PARVA: variants seen among roughly 807,000 people sequenced by gnomAD.
PARVA encodes the protein parvin alpha.
A neutral mutation model predicts 52.6 loss-of-function variants in PARVA; 25 were observed. That is an observed-to-expected ratio of 0.48 (90% CI 0.35 to 0.66). PARVA has a LOEUF of 0.66. Among genes scored for constraint, PARVA ranks in the 30% least tolerant of loss-of-function variants. PARVA has a pLI of 0.01. For synonymous variants in PARVA, 185 were observed against 179.1 expected, an observed-to-expected ratio of 1.03 and a Z score of -0.26; for missense variants, 373 against 450.9, an observed-to-expected ratio of 0.83 and a Z score of 1.56.
chr11:12,401,757 G>GA (rs1234263956), intron 1 of PARVA, among the ~76,000 whole-genome samples: 6 of 152,126 alleles, frequency 3.9e-5, no homozygotes, highest in African/African-American at 1.4e-4. Flanking sequence ...CGCAGGGCAT[G>GA]AAAAAATGTT....
intron 1 of PARVA, among the ~76,000 whole-genome samples, chr11:12,422,672 T>A (rs1383758836): frequency 6.6e-6 from 1 of 152,220 alleles, no homozygotes; most frequent in Non-Finnish European, 1.5e-5. Context: ...CTAGTGTCCT[T>A]CTCTTTCCTG....
intron 5 of PARVA, among the ~76,000 whole-genome samples, chr11:12,501,233 A>G (rs1941359702): frequency 6.6e-6 from 1 of 152,096 alleles, no homozygotes; most frequent in South Asian, 2.1e-4. Flanking sequence ...ACATATGTAT[A>G]TGCTTTTATG....
chr11:12,385,170 TA>T (rs1375033837), intron 1 of PARVA, among the ~76,000 whole-genome samples: 4 of 151,986 alleles, frequency 2.6e-5, no homozygotes, highest in African/African-American at 9.7e-5. Context: ...ACCCCATCTC[TA>T]CAAAAAAATT....
chr11:12,434,398 G>T (rs1182010415), intron 1 of PARVA, among the ~76,000 whole-genome samples: 1 of 152,158 alleles, frequency 6.6e-6, no homozygotes, highest in African/African-American at 2.4e-5. Flanking sequence ...GTACTTACCA[G>T]GGACTCTGGC....
intron 4 of PARVA, among the ~76,000 whole-genome samples, chr11:12,495,127 TAAG>T (rs1398488639): frequency 1.3e-5 from 2 of 152,334 alleles, no homozygotes; most frequent in South Asian, 2.1e-4. Flanking sequence ...CTTCAAGATG[TAAG>T]AAGAAGACAT....
At chr11:12,487,804 C>T (rs556256928) in intron 4 of PARVA, among the ~76,000 whole-genome samples, 3 of 152,194 alleles carry the variant, frequency 2.0e-5, no homozygotes, top group East Asian at 3.9e-4. Flanking sequence ...TGGTAGAGAA[C>T]GACTGTGTGT....
intron 1 of PARVA, among the ~76,000 whole-genome samples, chr11:12,379,708 G>A (rs997570437): frequency 5.9e-5 from 9 of 151,728 alleles, no homozygotes; most frequent in African/African-American, 2.2e-4. Context: ...TATCAGACTT[G>A]ATGAAGAACT....
At chr11:12,384,837 G>T (rs1258070987) in intron 1 of PARVA, among the ~76,000 whole-genome samples, 1 of 152,140 alleles carries the variant, frequency 6.6e-6, no homozygotes, top group African/African-American at 2.4e-5. Flanking sequence ...AAGAGGAAGG[G>T]CAGAGGCAGG....
chr11:12,412,736 T>C (rs568180741), intron 1 of PARVA, among the ~76,000 whole-genome samples: 2 of 152,170 alleles, frequency 1.3e-5, no homozygotes, highest in Non-Finnish European at 2.9e-5. Flanking sequence ...GAAAATAATA[T>C]TTGCAGGAAA....
chr11:12,533,808 C>A lies in PARVA; in HGVS notation c.*5883C>A, dbSNP rs368733084. Among the ~76,000 whole-genome samples the A allele has an allele frequency of 6.7e-6, 1 of 150,164 alleles. No individual in the cohort carries two copies. The highest frequency in any genetic ancestry group is 2.5e-5 in the African/African-American group (1 of 40,576). ...CCTCATGGTCATCACATTGAGTAGG[C>A]GGAGGAGGAGGAGGAGGAGGAGGAG... On this transcript the variant is annotated 3_prime_UTR_variant, in exon 13 of 13. Transcript: ENST00000334956.
At chr11:12,511,099 G>A (rs1165459031) in intron 7 of PARVA, among the ~76,000 whole-genome samples, 3 of 152,112 alleles carry the variant, frequency 2.0e-5, no homozygotes, top group Non-Finnish European at 4.4e-5. Flanking sequence ...AACCTAGGCA[G>A]TAAAATTCTG....
chr11:12,462,465 C>A (rs1940795970), intron 1 of PARVA, among the ~76,000 whole-genome samples: 1 of 152,058 alleles, frequency 6.6e-6, no homozygotes, highest in Non-Finnish European at 1.5e-5. Context: ...CCTCCAGATG[C>A]TAGAAAAGGA....
chr11:12,476,261 G>A (rs931835562), intron 3 of PARVA, among the ~76,000 whole-genome samples: 1 of 152,082 alleles, frequency 6.6e-6, no homozygotes, highest in Non-Finnish European at 1.5e-5. Flanking sequence ...TCCAGAGGGA[G>A]GTTCGATTTT....
chr11:12,517,061 C>T (rs1020291926), intron 10 of PARVA, among the ~76,000 whole-genome samples: 1 of 152,112 alleles, frequency 6.6e-6, no homozygotes, highest in African/African-American at 2.4e-5. Flanking sequence ...TCATGCCATT[C>T]ACCTTGGACA....
intron 4 of PARVA, among the ~76,000 whole-genome samples, chr11:12,490,000 A>T (rs1941212372): frequency 6.6e-6 from 1 of 151,054 alleles, no homozygotes; most frequent in Non-Finnish European, 1.5e-5. Flanking sequence ...ATGGATCACA[A>T]GGTCAGGAGA....
At chr11:12,505,466 G>A (rs536945197) in intron 6 of PARVA, among the ~76,000 whole-genome samples, 3 of 152,334 alleles carry the variant, frequency 2.0e-5, no homozygotes, top group South Asian at 4.1e-4. Flanking sequence ...TTGTCCCCCA[G>A]TGAAAAACTA....
chr11:12,499,517 T>C (rs1941340534), intron 5 of PARVA, among the ~76,000 whole-genome samples: 1 of 152,098 alleles, frequency 6.6e-6, no homozygotes, highest in Admixed American at 6.6e-5. Context: ...AATATTAACG[T>C]TTAACACATG....
chr11:12,377,561 C>T, upstream of PARVA: 1 of 1,487,286 alleles, frequency 6.7e-7, no homozygotes, highest in East Asian at 2.9e-5. Flanking sequence ...GTTTGGAAAG[C>T]CGCAGCCTCA....
intron 1 of PARVA, among the ~76,000 whole-genome samples, chr11:12,451,144 CTCTT>C (rs1940618406): frequency 1.3e-5 from 2 of 152,300 alleles, no homozygotes; most frequent in African/African-American, 4.8e-5. Context: ...TTTCCTGTGG[CTCTT>C]TCTTTCCACT....
Sources: allele counts gnomAD v4.1 joint callset (sites outside exome capture counted in the v4.1 genomes callset), GRCh38; gene constraint gnomAD v4.1.1; transcripts MANE v1.5; gene names NCBI Gene and HGNC (gene_info 2026-07-23, HGNC 2026-07-21).